SAMD12: variants seen among roughly 807,000 people sequenced by gnomAD.
SAMD12 encodes the protein sterile alpha motif domain-containing protein 12.
A neutral mutation model predicts 15.0 loss-of-function variants in SAMD12; 9 were observed. That is an observed-to-expected ratio of 0.60 (90% confidence interval 0.36 to 1.05). The LOEUF (loss-of-function observed/expected upper bound fraction) is 1.05, where lower values mean the gene tolerates loss of function less well. Ranked by LOEUF, SAMD12 falls within the 50% of genes least tolerant of loss-of-function variation. SAMD12 has a pLI of 0.01. For synonymous variants in SAMD12, 86 were observed against 90.1 expected, an observed-to-expected ratio of 0.96 and a Z score of 0.25; for missense variants, 230 against 234.2, an observed-to-expected ratio of 0.98 and a Z score of 0.12.
intron 2 of SAMD12, among the ~76,000 whole-genome samples, chr8:118,564,403 T>C (rs1351221137): frequency 6.6e-6 from 1 of 152,130 alleles, no homozygotes; most frequent in Non-Finnish European, 1.5e-5. Context: ...CAATACAAAA[T>C]GGGGCACTAG....
In SAMD12 at chr8:118,619,440, C is replaced by T. The variant is rs1818749; in HGVS notation, c.13+2364G>A. The stretch of plus-strand genomic sequence containing the variant: ...CTTGCAGTGAGCTGAGACCGCGCCA[C>T]TGTACTCTAGCCTGGGCGACAGAGC... On this transcript the variant is annotated intron_variant, in intron 1 of 3. Transcript: ENST00000314727. Among the ~76,000 whole-genome samples, 589 of 144,654 alleles carry T rather than the reference C, an allele frequency of 4.1e-3. 1 individual carries two copies. The highest frequency in any genetic ancestry group is 6.4e-3 in the Admixed American group (93 of 14,624). 94.9% of individuals were successfully genotyped at this position (144,654 alleles called of 152,430 possible).
At chr8:118,374,903 A>G (rs1819303548), downstream of SAMD12, among the ~76,000 whole-genome samples, 1 of 151,280 alleles carries the variant, frequency 6.6e-6, no homozygotes, top group African/African-American at 2.4e-5. Context: ...TATGTGATTT[A>G]TATATATTTT....
At chr8:118,218,010 T>A (rs1812002364) in intron 4 of SAMD12, among the ~76,000 whole-genome samples, 7 of 152,152 alleles carry the variant, frequency 4.6e-5, no homozygotes, top group Admixed American at 4.6e-4. Flanking sequence ...TCACATGTGG[T>A]CCTACTGCAC....
chr8:118,148,712 G>A, the SAMD12 span, among the ~76,000 whole-genome samples: 6 of 152,148 alleles, frequency 3.9e-5, no homozygotes, highest in Non-Finnish European at 8.8e-5. Flanking sequence ...TCCAGTCACA[G>A]ACAATCCTAA....
At chr8:118,469,522 T>TTTA (rs1823714641) in intron 2 of SAMD12, among the ~76,000 whole-genome samples, 1 of 1,740 alleles carries the variant, frequency 5.7e-4, no homozygotes, top group African/African-American at 3.8e-3. Context: ...ATATAATATA[T>TTTA]ATAATATATT....
At chr8:118,269,551 G>C (rs1813294514) in intron 4 of SAMD12, among the ~76,000 whole-genome samples, 1 of 151,984 alleles carries the variant, frequency 6.6e-6, no homozygotes, top group Admixed American at 6.6e-5. Flanking sequence ...ATAGAGCATT[G>C]CCTTCTTGAT....
At chr8:118,229,749 C>A (rs10112637) in intron 4 of SAMD12, among the ~76,000 whole-genome samples, 1 of 152,162 alleles carries the variant, frequency 6.6e-6, no homozygotes, top group Non-Finnish European at 1.5e-5. Flanking sequence ...CCAGTCTCCC[C>A]CTTCATTACA....
At chr8:118,384,614 G>A (rs989826373) in intron 3 of SAMD12, among the ~76,000 whole-genome samples, 2 of 152,202 alleles carry the variant, frequency 1.3e-5, no homozygotes, top group Non-Finnish European at 1.5e-5. Flanking sequence ...CCATTTCCGA[G>A]CAAGAAATTG....
At chr8:118,133,470 T>C in the SAMD12 span, among the ~76,000 whole-genome samples, 1 of 152,196 alleles carries the variant, frequency 6.6e-6, no homozygotes, top group African/African-American at 2.4e-5. Flanking sequence ...CCAGCATCTA[T>C]TAGCTATTCT....
chr8:118,381,722 A>G (rs942306633), intron 3 of SAMD12, among the ~76,000 whole-genome samples: 1 of 152,206 alleles, frequency 6.6e-6, no homozygotes, highest in Non-Finnish European at 1.5e-5. Flanking sequence ...AAGCAGCTCC[A>G]CTAAGAAGCT....
chr8:118,285,583 A>T (rs1813936240), intron 4 of SAMD12, among the ~76,000 whole-genome samples: 1 of 152,204 alleles, frequency 6.6e-6, no homozygotes, highest in South Asian at 2.1e-4. Context: ...CACGCTTGAA[A>T]AACTCTTGCT....
intron 2 of SAMD12, among the ~76,000 whole-genome samples, chr8:118,452,767 G>A (rs922652780): frequency 6.6e-6 from 1 of 152,132 alleles, no homozygotes; most frequent in Admixed American, 6.5e-5. Flanking sequence ...TGAACTTCTT[G>A]TCCCATCTCT....
At chr8:118,147,113 C>T in the SAMD12 span, among the ~76,000 whole-genome samples, 2 of 151,994 alleles carry the variant, frequency 1.3e-5, no homozygotes. Context: ...AAAACTCTGC[C>T]TCCTGGGTTC....
intron 2 of SAMD12, among the ~76,000 whole-genome samples, chr8:118,515,069 A>T (rs1825197699): frequency 6.6e-6 from 1 of 151,984 alleles, no homozygotes; most frequent in African/African-American, 2.4e-5. Flanking sequence ...CCCAGGCTGC[A>T]GTGCGGTGGC....
chr8:118,454,256 A>T (rs79831600), intron 2 of SAMD12, among the ~76,000 whole-genome samples: 3,649 of 152,286 alleles, frequency 0.024, 130 homozygotes, highest in African/African-American at 0.083. Flanking sequence ...ATCCCTCACA[A>T]TTTTGAAGGC....
chr8:118,165,616 A>ATATATATATATATATACATATATATATG, the SAMD12 span, among the ~76,000 whole-genome samples: 3 of 4,132 alleles, frequency 7.3e-4, no homozygotes, highest in African/African-American at 9.9e-4. Flanking sequence ...ATATATATGT[A>ATATATATATATATATACATATATATATG]TATATATATA....
chr8:118,247,928 A>G (rs1586382992), intron 4 of SAMD12, among the ~76,000 whole-genome samples: 1 of 152,280 alleles, frequency 6.6e-6, no homozygotes, highest in South Asian at 2.1e-4. Flanking sequence ...GGAAAAAAAT[A>G]CTAGAAGCAG....
chr8:118,297,291 C>T (rs1304181239), intron 4 of SAMD12, among the ~76,000 whole-genome samples: 2 of 152,166 alleles, frequency 1.3e-5, no homozygotes, highest in African/African-American at 4.8e-5. Flanking sequence ...GAGGTTATCA[C>T]TATGCAGTTG....
chr8:118,169,498 G>A, the SAMD12 span, among the ~76,000 whole-genome samples: 2 of 152,268 alleles, frequency 1.3e-5, no homozygotes, highest in East Asian at 3.9e-4. Flanking sequence ...CTTTGTTCCT[G>A]TGGGAATACA....
Sources: gnomAD v4.1 joint callset for allele counts (sites outside exome capture counted in the v4.1 genomes callset) on GRCh38, gnomAD v4.1.1 for gene constraint, MANE v1.5 for transcripts, NCBI Gene and HGNC (gene_info 2026-07-23, HGNC 2026-07-21) for gene names.